Variants in GDF1 observed in about 807,000 individuals in gnomAD.
GDF1 encodes the protein embryonic growth/differentiation factor 1.
A neutral mutation model predicts 7.4 loss-of-function variants in GDF1; 8 were observed. The ratio of observed to expected loss-of-function variants is 1.09; its 90% CI spans 0.64 to 1.96. The LOEUF is 1.96. Ranked by LOEUF, GDF1 falls within the 30% of genes most tolerant of loss-of-function variation. GDF1 has a pLI of 0.00. For synonymous variants in GDF1, 311 were observed against 276.7 expected (o/e 1.12, Z -1.23); for missense variants, 574 against 551.5 (o/e 1.04, Z -0.41).
chr19:18,886,997 C>T (rs1379034123), intron 2 of GDF1, among the ~76,000 whole-genome samples: 2 of 152,226 alleles, frequency 1.3e-5, no homozygotes, highest in Admixed American at 6.5e-5. Flanking sequence ...CACCATGACC[C>T]AGCAAGTCCA....
chr19:18,868,939 C>T lies in GDF1; in HGVS notation c.777G>A (p.Leu259=). 1 of 1,279,578 alleles carries T rather than the reference C, an allele frequency of 7.8e-7. No homozygotes were observed. Among genetic ancestry groups the T allele is most frequent in the Non-Finnish European group, 9.9e-7 (1 of 1,007,068 alleles). The allele number at this position is 1,279,578 out of a possible 1,614,324, so 79.3% of individuals were successfully genotyped here. A position where few individuals can be genotyped will look rare whatever the true frequency, so the allele number is the denominator to read the frequency against. The stretch of plus-strand genomic sequence containing the variant: ...GACAAGCGCCCCCGGGGCCGCCGCC[C>T]AACACGGGTTCGGCGTCGCGCCGCG... ...ARPRRDAEPV[L]GGGPGGACRA... Residue 259 remains leucine (L), a synonymous_variant, in exon 8 of 8, where the codon TTG becomes TTA. Transcript: ENST00000247005.
In GDF1 at chr19:18,895,744, A is replaced by G; in HGVS notation, c.-1074+80T>C. On this transcript the variant is annotated intron_variant, in intron 1 of 7. Transcript: ENST00000247005. The surrounding 1 kb of genome is among the most constrained non-coding windows in gnomAD (Gnocchi z 6.4). ...CAGCAGCCAGCGCTGGAAGAAAGGA[A>G]CGCGCCGGCGGCCCCAGGTCCCCGG... 1 of 764,438 alleles carries G rather than the reference A, an allele frequency of 1.3e-6. No homozygotes were observed. The highest frequency in any genetic ancestry group is 1.7e-6 in the Non-Finnish European group (1 of 588,216). 47.4% of individuals were successfully genotyped at this position (764,438 alleles called of 1,614,324 possible).
chr19:18,869,790 C>T (rs2055930897), intron 7 of GDF1, among the ~76,000 whole-genome samples, 193 bp downstream of exon 7: 1 of 152,114 alleles, frequency 6.6e-6, no homozygotes, highest in Non-Finnish European at 1.5e-5. Flanking sequence ...GTCTTGGGAA[C>T]CCCCTGACAT....
At position 18,878,896 on chromosome 19, in the gene GDF1, AG is replaced by A; in HGVS notation, c.-313+33del. ...ACGCTTGGACGGGTGACACTAAAGGAGGGAACGCGGGGTGCGGGCCCCTCCA... is the reference window on the plus strand; with the variant it reads ...ACGCTTGGACGGGTGACACTAAAGGAGGAACGCGGGGTGCGGGCCCCTCCA... On this transcript the variant is annotated intron_variant, in intron 6 of 7. Transcript: ENST00000247005. The surrounding 1 kb of genome is among the most constrained non-coding windows in gnomAD (Gnocchi z 4.6). 1 of 1,609,070 alleles carries A rather than the reference AG, an allele frequency of 6.2e-7. No homozygotes were observed. Among genetic ancestry groups the A allele is most frequent in the South Asian group, 1.1e-5 (1 of 90,452 alleles).
Position 18,877,810 on chromosome 19 carries a change from T to G in GDF1, c.-313+1120A>C, listed in dbSNP as rs145387829. 430 of 170,042 alleles carry G rather than the reference T, an allele frequency of 2.5e-3. 5 individuals carry two copies. Among genetic ancestry groups the G allele is most frequent in the African/African-American group, 9.2e-3 (376 of 40,912 alleles). 10.5% of individuals were successfully genotyped at this position (170,042 alleles called of 1,614,324 possible). On this transcript the variant is annotated intron_variant, in intron 6 of 7. Coordinates refer to ENST00000247005, the MANE Select transcript of GDF1 (RefSeq NM_001492.6). ...CTCATGCTCAAAGGACAGCGCAATCTAACACCCTCAAAAGGAGGCTCCTAA... is the reference window on the plus strand; with the variant it reads ...CTCATGCTCAAAGGACAGCGCAATCGAACACCCTCAAAAGGAGGCTCCTAA...
Position 18,870,496 on chromosome 19 carries a change from G to T in GDF1, c.-189C>A. ...GCCCTAGAGGAGCAGAGTTGGAGGG[G>T]GTGGAGGGGCGGCCAAGGACGGGGA... is the stretch of plus-strand genomic sequence containing the variant. On this transcript the variant is annotated 5_prime_UTR_variant, in exon 7 of 8. Coordinates refer to ENST00000247005, the MANE Select transcript of GDF1 (RefSeq NM_001492.6). This position sits in a 1 kb window ranked among gnomAD's most constrained non-coding sequence, Gnocchi z 5.1. 1 of 555,332 alleles carries T rather than the reference G, an allele frequency of 1.8e-6. No homozygotes were observed. Among genetic ancestry groups the T allele is most frequent in the Admixed American group, 3.6e-5 (1 of 27,422 alleles). 34.4% of individuals were successfully genotyped at this position (555,332 alleles called of 1,614,324 possible). A position where few individuals can be genotyped will look rare whatever the true frequency, so the allele number is the denominator to read the frequency against.
Position 18,868,786 on chromosome 19 carries a change from C to T in GDF1, c.930G>A (p.Gly310=). Residue 310 remains glycine, a synonymous_variant, in exon 8 of 8, where the codon GGG becomes GGA. Transcript: ENST00000247005. ...CAGCGTGGTTGAGCGCCGGCGGCCC[C>T]CCGGACCCCGACAGCGCGACGGGCA... is the stretch of plus-strand genomic sequence containing the variant. ...CALPVALSGS[G]GPPALNHAVL... 1.4e-6 allele frequency: 2 copies of T among 1,463,748 alleles called. No individual in the cohort carries two copies. Among genetic ancestry groups the T allele is most frequent in the Non-Finnish European group, 1.8e-6 (2 of 1,098,688 alleles). 90.7% of individuals were successfully genotyped at this position (1,463,748 alleles called of 1,614,324 possible). A position where few individuals can be genotyped will look rare whatever the true frequency, so the allele number is the denominator to read the frequency against.
At chr19:18,876,903 T>C (rs1166839015) in intron 6 of GDF1, among the ~76,000 whole-genome samples, 1 of 152,176 alleles carries the variant, frequency 6.6e-6, no homozygotes, top group Non-Finnish European at 1.5e-5. Flanking sequence ...CCTTTCCTGG[T>C]CCAGGAGCCC....
At position 18,895,362 on chromosome 19, in the gene GDF1, C is replaced by A. The variant is rs902908186; in HGVS notation, c.-1074+462G>T. On this transcript the variant is annotated intron_variant, in intron 1 of 7. Coordinates refer to ENST00000247005, the MANE Select transcript of GDF1 (RefSeq NM_001492.6). The surrounding 1 kb of genome is among the most constrained non-coding windows in gnomAD (Gnocchi z 6.4). ...ATGGCAGGGAGGCGCATGGCGCAGGCCGCGGTGCGCCGAGCCCTCCCGTTC... is the reference window on the plus strand; with the variant it reads ...ATGGCAGGGAGGCGCATGGCGCAGGACGCGGTGCGCCGAGCCCTCCCGTTC... 2.6e-5 allele frequency among the ~76,000 whole-genome samples: 4 copies of A among 152,226 alleles called. No individual in the cohort carries two copies. The highest frequency in any genetic ancestry group is 9.6e-5 in the African/African-American group (4 of 41,470).
Position 18,870,134 on chromosome 19 carries a change from A to T in GDF1, c.174T>A (p.Val58=). 6.4e-7 allele frequency: 1 copy of T among 1,565,412 alleles called. No homozygotes were observed. The highest frequency in any genetic ancestry group is 8.6e-7 in the Non-Finnish European group (1 of 1,161,040). The change falls in exon 7 of 8, where the codon GTT becomes GTA. Residue 58 remains valine (V), a synonymous_variant. Transcript: ENST00000247005. The surrounding 1 kb of genome is among the most constrained non-coding windows in gnomAD (Gnocchi z 5.1). ...EPQGAPRLRP[V]PPVMWRLFRR... ...GAAACAGGCGCCACATGACCGGGGG[A>T]ACCGGCCGGAGCCTGGGGGCACCCT...
rs575712132 is a variant in GDF1, at chr19:18,884,158, G to T, written c.-804C>A. 1.1e-4 allele frequency: 175 copies of T among 1,613,790 alleles called. No homozygotes were observed. The highest frequency in any genetic ancestry group is 1.6e-4 in the Middle Eastern group (1 of 6,062). ...GGAGCAGCATGACCACCGAGTCCTT[G>T]CGCCAGGTGTCCATGTATAGCGTAG... On this transcript the variant is annotated 5_prime_UTR_variant, in exon 3 of 8. Coordinates refer to ENST00000247005, the MANE Select transcript of GDF1 (RefSeq NM_001492.6).
chr19:18,871,223 ATTT>A (rs572877061), intron 6 of GDF1, among the ~76,000 whole-genome samples: 8,637 of 119,792 alleles, frequency 0.072, 329 homozygotes, highest in African/African-American at 0.12. Flanking sequence ...ACTCCCAGCA[ATTT>A]TTTTTTTTTT....
Position 18,895,873 on chromosome 19 carries a change from G to A in GDF1, c.-1123C>T, listed in dbSNP as rs1309450982. 3.9e-6 allele frequency: 5 copies of A among 1,285,668 alleles called. No individual in the cohort carries two copies. The highest frequency in any genetic ancestry group is 3.4e-5 in the East Asian group (1 of 29,512). 79.6% of individuals were successfully genotyped at this position (1,285,668 alleles called of 1,614,324 possible). On this transcript the variant is annotated 5_prime_UTR_variant, in exon 1 of 8. Transcript: ENST00000247005. This position sits in a 1 kb window ranked among gnomAD's most constrained non-coding sequence, Gnocchi z 6.4. ...GGAGCGCAGGGCGGTCCAGCCCAGC[G>A]CGCCGAGCGCCAGCAGCAGCAGCTC...
At chr19:18,893,700 T>G (rs1460370544) in intron 1 of GDF1, 125 bp from the exon 2 acceptor site, 2 of 940,088 alleles carry the variant, frequency 2.1e-6, no homozygotes, top group Non-Finnish European at 3.1e-6. Context: ...CTGTCCCCCA[T>G]GCCCACAGCC....
intron 2 of GDF1, 55 bp from the exon 3 acceptor site, chr19:18,884,322 C>T: frequency 6.6e-7 from 1 of 1,519,040 alleles, no homozygotes; most frequent in Non-Finnish European, 8.9e-7. Context: ...AGACGATCGC[C>T]TCCATGACCC....
In GDF1 at chr19:18,884,328, G is replaced by A. The variant is rs549373243; in HGVS notation, c.-913-61C>T. ...GAAGCCTCTAGACGATCGCCTCCATGACCCGGTGACACCCTCCAAGCCACA... is the reference window on the plus strand; with the variant it reads ...GAAGCCTCTAGACGATCGCCTCCATAACCCGGTGACACCCTCCAAGCCACA... On this transcript the variant is annotated intron_variant, in intron 2 of 7. Coordinates refer to ENST00000247005, the MANE Select transcript of GDF1 (RefSeq NM_001492.6). 92 of 1,491,638 alleles carry A rather than the reference G, an allele frequency of 6.2e-5. 1 individual carries two copies. In the South Asian group the frequency reaches 1.0e-3, roughly 17 times the overall value. The allele number at this position is 1,491,638 out of a possible 1,614,324, so 92.4% of individuals were successfully genotyped here.
At chr19:18,872,241 A>G (rs2055983157) in intron 6 of GDF1, among the ~76,000 whole-genome samples, 1 of 152,216 alleles carries the variant, frequency 6.6e-6, no homozygotes, top group Non-Finnish European at 1.5e-5. Context: ...AAAAGCTTCA[A>G]AGTGTTCTCT....
rs368019219 is a variant in GDF1, at chr19:18,878,891, A to G, written c.-313+39T>C. On this transcript the variant is annotated intron_variant, in intron 6 of 7. Coordinates refer to ENST00000247005, the MANE Select transcript of GDF1 (RefSeq NM_001492.6). This position sits in a 1 kb window ranked among gnomAD's most constrained non-coding sequence, Gnocchi z 4.6. ...CGAACACGCTTGGACGGGTGACACTAAAGGAGGGAACGCGGGGTGCGGGCC... is the reference window on the plus strand; with the variant it reads ...CGAACACGCTTGGACGGGTGACACTGAAGGAGGGAACGCGGGGTGCGGGCC... 7.8e-5 allele frequency: 125 copies of G among 1,607,184 alleles called. No homozygotes were observed. Among genetic ancestry groups the G allele is most frequent in the Non-Finnish European group, 9.8e-5 (115 of 1,177,480 alleles).
chr19:18,893,640 G>T, intron 1 of GDF1, 65 bp from the exon 2 acceptor site: 2 of 1,508,856 alleles, frequency 1.3e-6, no homozygotes, highest in South Asian at 2.4e-5. Flanking sequence ...CCTTTGGGGT[G>T]GGGAAACTGA....
Sources: allele counts gnomAD v4.1 joint callset (sites outside exome capture counted in the v4.1 genomes callset), GRCh38; gene constraint gnomAD v4.1.1; non-coding constraint Gnocchi (gnomAD v3.1); transcripts MANE v1.5; gene names NCBI Gene and HGNC (gene_info 2026-07-23, HGNC 2026-07-21).